Variants in LRRC7 observed in about 807,000 individuals in gnomAD.
LRRC7 encodes the protein leucine rich repeat containing 7.
In LRRC7, 23 loss-of-function variants were observed where a neutral mutation model predicts 175.7. The observed-to-expected ratio is 0.13, with a 90% CI of 0.09 to 0.19. The LOEUF is 0.19. LRRC7 is among the 10% of genes least tolerant of loss of function. The pLI is 1.00. For missense variants in LRRC7, 1,354 were observed against 1,904.7 expected (o/e 0.71, Z 5.38); for synonymous variants, 685 against 680.9 (o/e 1.01, Z -0.09).
At chr1:69,989,230 T>G (rs773713273) in intron 10 of LRRC7, among the ~76,000 whole-genome samples, 10 of 152,072 alleles carry the variant, frequency 6.6e-5, no homozygotes, top group Non-Finnish European at 1.3e-4. Context: ...AGGAAGATAT[T>G]GGTCAAAGGA....
intron 7 of LRRC7, among the ~76,000 whole-genome samples, chr1:69,900,502 A>T (rs1209971222): frequency 6.6e-6 from 1 of 152,166 alleles, no homozygotes; most frequent in Non-Finnish European, 1.5e-5. Flanking sequence ...TTGCATACAA[A>T]TCAAGAGTGT....
chr1:69,763,464 T>TGATG (rs1487329472), intron 3 of LRRC7, among the ~76,000 whole-genome samples: 1 of 152,094 alleles, frequency 6.6e-6, no homozygotes, highest in Non-Finnish European at 1.5e-5. Context: ...TGTTTACTGC[T>TGATG]GATGTAATTC....
chr1:70,021,980 A>G (rs1390189501), intron 16 of LRRC7, among the ~76,000 whole-genome samples: 2 of 152,116 alleles, frequency 1.3e-5, no homozygotes, highest in Non-Finnish European at 2.9e-5. Flanking sequence ...TGTTCTATTA[A>G]TAAAGCTAGA....
At chr1:70,025,066 A>T (rs1657944893) in intron 17 of LRRC7, among the ~76,000 whole-genome samples, 1 of 152,090 alleles carries the variant, frequency 6.6e-6, no homozygotes, top group Non-Finnish European at 1.5e-5. Context: ...TAGCATAAGC[A>T]CTGGAGTCAA....
intron 11 of LRRC7, among the ~76,000 whole-genome samples, chr1:70,004,164 T>C (rs909057598): frequency 3.9e-5 from 6 of 152,182 alleles, no homozygotes; most frequent in African/African-American, 1.4e-4. Flanking sequence ...GATGATTTTG[T>C]TTCTAATGAA....
intron 1 of LRRC7, among the ~76,000 whole-genome samples, chr1:69,653,329 T>A (rs1338324859): frequency 6.6e-6 from 1 of 151,980 alleles, no homozygotes; most frequent in Non-Finnish European, 1.5e-5. Flanking sequence ...TTAGGGTACA[T>A]GGGCACAATT....
intron 7 of LRRC7, among the ~76,000 whole-genome samples, chr1:69,908,413 T>G (rs1205918882): frequency 6.6e-6 from 1 of 151,882 alleles, no homozygotes; most frequent in African/African-American, 2.4e-5. Context: ...GCTATAAATT[T>G]CCCTCTACAC....
intron 2 of LRRC7, among the ~76,000 whole-genome samples, chr1:69,742,292 G>T (rs1020254465): frequency 2.6e-5 from 4 of 151,824 alleles, no homozygotes; most frequent in Non-Finnish European, 5.9e-5. Flanking sequence ...TCAGAATTAG[G>T]GTTAGAATGA....
intron 7 of LRRC7, among the ~76,000 whole-genome samples, chr1:69,841,741 C>A (rs1681756551): frequency 6.6e-6 from 1 of 152,068 alleles, no homozygotes; most frequent in South Asian, 2.1e-4. Context: ...TCACTGCGGA[C>A]TCTCCAGTGC....
chr1:70,015,459 A>G (rs1656884914), intron 13 of LRRC7, among the ~76,000 whole-genome samples: 1 of 152,148 alleles, frequency 6.6e-6, no homozygotes, highest in Non-Finnish European at 1.5e-5. Context: ...CTAATACATT[A>G]AAGACAAGGA....
intron 25 of LRRC7, among the ~76,000 whole-genome samples, chr1:70,097,684 T>C (rs1210495354): frequency 6.7e-6 from 1 of 149,736 alleles, no homozygotes. Context: ...ATTGTTCAAT[T>C]CCCACCTATG....
rs1441155527 is a variant in LRRC7, at chr1:70,130,156, G to A, written c.*8269G>A. The A allele has an allele frequency of 2.6e-5, 4 of 152,068 alleles. No homozygotes were observed. The highest frequency in any genetic ancestry group is 9.7e-5 in the African/African-American group (4 of 41,420). The allele number at this position is 152,068 out of a possible 1,614,324, so 9.4% of individuals were successfully genotyped here. ...CTTTCCCATTCTGCCTGAGATCATA[G>A]CTATTTGGTGTTTGTTTTTCCTATG... On this transcript the variant is annotated 3_prime_UTR_variant, in exon 27 of 27. Coordinates refer to ENST00000651989, the MANE Select transcript of LRRC7 (RefSeq NM_001370785.2).
intron 7 of LRRC7, among the ~76,000 whole-genome samples, chr1:69,881,061 G>T (rs1686552812): frequency 6.6e-6 from 1 of 152,160 alleles, no homozygotes; most frequent in Non-Finnish European, 1.5e-5. Flanking sequence ...TGGGACTTTG[G>T]ATATAAAATT....
chr1:69,814,306 T>C (rs1419568747), intron 4 of LRRC7, among the ~76,000 whole-genome samples: 1 of 152,236 alleles, frequency 6.6e-6, no homozygotes, highest in East Asian at 1.9e-4. Context: ...ATTTGAAAAA[T>C]GAAAATCATA....
chr1:69,632,550 G>T (rs1340568832), intron 1 of LRRC7, among the ~76,000 whole-genome samples: 1 of 151,668 alleles, frequency 6.6e-6, no homozygotes, highest in Non-Finnish European at 1.5e-5. Flanking sequence ...TCCCTTTAAC[G>T]TCTTTTAGTA....
intron 17 of LRRC7, 29 bp from the exon 18 acceptor site, chr1:70,028,123 GCTTGCTGAAGTTATTTTTA>G: frequency 6.7e-7 from 1 of 1,495,244 alleles, no homozygotes; most frequent in Non-Finnish European, 9.3e-7. Flanking sequence ...TTGTGAACAT[GCTTGCTGAAGTTATTTTTA>G]TGTTAAATTT....
chr1:69,859,185 C>G (rs61782571), intron 7 of LRRC7, among the ~76,000 whole-genome samples: 1 of 152,156 alleles, frequency 6.6e-6, no homozygotes, highest in South Asian at 2.1e-4. Flanking sequence ...TAATGTTGCA[C>G]GTTTTCACTG....
At chr1:69,946,839 A>G (rs1342267822) in intron 8 of LRRC7, among the ~76,000 whole-genome samples, 1 of 151,896 alleles carries the variant, frequency 6.6e-6, no homozygotes, top group Non-Finnish European at 1.5e-5. Flanking sequence ...GCACTTTGGG[A>G]GGCTGAGATG....
intron 1 of LRRC7, among the ~76,000 whole-genome samples, chr1:69,661,947 T>C (rs1257469381): frequency 6.6e-6 from 1 of 152,102 alleles, no homozygotes; most frequent in Non-Finnish European, 1.5e-5. Flanking sequence ...CTACCATATA[T>C]GGTAGTAGTT....
Sources: gnomAD v4.1 joint callset for allele counts (sites outside exome capture counted in the v4.1 genomes callset) on GRCh38, gnomAD v4.1.1 for gene constraint, MANE v1.5 for transcripts, NCBI Gene and HGNC (gene_info 2026-07-23, HGNC 2026-07-21) for gene names.